The following AQR variants were observed in gnomAD, a reference collection of about 807,000 sequenced individuals.
The protein encoded by AQR is aquarius intron-binding spliceosomal factor, also known as RNA helicase aquarius.
Under a neutral mutation model 180.5 loss-of-function variants are expected in AQR, and 61 were observed. The ratio of observed to expected loss-of-function variants is 0.34; its 90% CI spans 0.28 to 0.42. AQR has a LOEUF of 0.42. Among genes scored for constraint, AQR ranks in the 10% least tolerant of loss-of-function variants. The pLI, the probability that AQR is intolerant of heterozygous loss-of-function variation, is 1.00. For synonymous variants in AQR, 551 were observed against 588.8 expected (o/e 0.94, Z 0.93); for missense variants, 1,281 against 1,798.3 (o/e 0.71, Z 5.20).
At chr15:34,923,160 T>C (rs1893707226) in intron 13 of AQR, among the ~76,000 whole-genome samples, 1 of 152,192 alleles carries the variant, frequency 6.6e-6, no homozygotes, top group Admixed American at 6.5e-5. Context: ...ATTATTATTG[T>C]TGTTAATCTC....
chr15:34,958,488 C>A (rs1894362622), intron 3 of AQR, among the ~76,000 whole-genome samples: 2 of 152,164 alleles, frequency 1.3e-5, no homozygotes. Flanking sequence ...TGCACTCAAA[C>A]CTGGGTGAAA....
At chr15:34,862,212 TA>T (rs1315702840) in intron 33 of AQR, among the ~76,000 whole-genome samples, 1 of 152,198 alleles carries the variant, frequency 6.6e-6, no homozygotes, top group African/African-American at 2.4e-5. Flanking sequence ...GTAAGCTTCT[TA>T]AGAACTCAAC....
chr15:34,885,200 T>C (rs1157711068), intron 25 of AQR, among the ~76,000 whole-genome samples: 1 of 152,246 alleles, frequency 6.6e-6, no homozygotes, highest in Non-Finnish European at 1.5e-5. Flanking sequence ...GTCAGTTTTT[T>C]AGAACATTTA....
At chr15:34,935,091 A>G (rs959051427) in intron 9 of AQR, among the ~76,000 whole-genome samples, 1 of 152,134 alleles carries the variant, frequency 6.6e-6, no homozygotes, top group Non-Finnish European at 1.5e-5. Context: ...ACACACCTTT[A>G]AAGTGCACTG....
In AQR at chr15:34,856,646, T is replaced by A. The variant is rs1892588938; in HGVS notation, c.*146A>T. The A allele has an allele frequency of 1.3e-5, 8 of 626,752 alleles. No individual in the cohort carries two copies. In the South Asian group the frequency reaches 3.5e-4, roughly 27 times the overall value. 38.8% of individuals were successfully genotyped at this position (626,752 alleles called of 1,614,324 possible). ...ATACACATAATTTAAAAAAATATAT[T>A]CAAGACACCGAAATCAGTTAACAAA... On this transcript the variant is annotated 3_prime_UTR_variant, in exon 35 of 35. Transcript: ENST00000156471.
At chr15:34,901,491 C>A (rs1353871579) in intron 19 of AQR, among the ~76,000 whole-genome samples, 1 of 152,080 alleles carries the variant, frequency 6.6e-6, no homozygotes, top group African/African-American at 2.4e-5. Context: ...TATATGCTGT[C>A]AAAAATAATT....
chr15:34,917,839 C>G (rs1260288325), intron 15 of AQR, among the ~76,000 whole-genome samples: 1 of 116,502 alleles, frequency 8.6e-6, no homozygotes, highest in Non-Finnish European at 1.9e-5. Context: ...AAAAAAAAAG[C>G]TGGGTGTGGT....
chr15:34,880,784 A>G (rs748674768), intron 27 of AQR, among the ~76,000 whole-genome samples: 1 of 152,190 alleles, frequency 6.6e-6, no homozygotes, highest in Non-Finnish European at 1.5e-5. Context: ...ATCAAAAGAC[A>G]ATGCCTAAAA....
At chr15:34,907,774 C>T (rs1893440752) in intron 17 of AQR, among the ~76,000 whole-genome samples, 1 of 152,186 alleles carries the variant, frequency 6.6e-6, no homozygotes, top group Non-Finnish European at 1.5e-5. Flanking sequence ...CTGATCTGCA[C>T]AGCTCATTAA....
At chr15:34,915,480 G>A (rs1328819180) in intron 15 of AQR, among the ~76,000 whole-genome samples, 2 of 150,920 alleles carry the variant, frequency 1.3e-5, no homozygotes, top group Admixed American at 1.3e-4. Flanking sequence ...GTGAGCCACC[G>A]CACCCGGCCT....
intron 4 of AQR, 57 bp from the exon 5 acceptor site, chr15:34,948,441 C>T: frequency 1.9e-6 from 3 of 1,544,310 alleles, no homozygotes; most frequent in Non-Finnish European, 2.6e-6. Context: ...CACTGTAATA[C>T]ATAACTCACC....
At chr15:34,946,385 G>C (rs1216206176) in intron 5 of AQR, among the ~76,000 whole-genome samples, 1 of 151,510 alleles carries the variant, frequency 6.6e-6, no homozygotes, top group African/African-American at 2.4e-5. Context: ...TGAGGTCGGG[G>C]GGGTCAGCCC....
intron 18 of AQR, 66 bp from the exon 19 acceptor site, chr15:34,904,571 G>A: frequency 7.0e-7 from 1 of 1,434,108 alleles, no homozygotes; most frequent in Non-Finnish European, 9.4e-7. Flanking sequence ...TAAGTTAACA[G>A]TATTTCTTTT....
intron 3 of AQR, among the ~76,000 whole-genome samples, chr15:34,960,239 GT>G (rs1374052553): frequency 6.6e-6 from 1 of 152,134 alleles, no homozygotes; most frequent in Non-Finnish European, 1.5e-5. Flanking sequence ...ACCCTTTTGT[GT>G]TTGAAAAAAC....
intron 9 of AQR, among the ~76,000 whole-genome samples, chr15:34,938,320 G>A (rs1893973955): frequency 6.6e-6 from 1 of 152,090 alleles, no homozygotes; most frequent in Admixed American, 6.6e-5. Flanking sequence ...GATCACTTGA[G>A]GTCAGGAGTT....
chr15:34,901,077 T>C (rs1171390759), intron 19 of AQR, among the ~76,000 whole-genome samples: 1 of 152,116 alleles, frequency 6.6e-6, no homozygotes, highest in Non-Finnish European at 1.5e-5. Context: ...AGACCAAACT[T>C]AGCAAGAACA....
rs925677042 is a variant in AQR at position 34,856,438 on chromosome 15, T to C, written c.*354A>G. On this transcript the variant is annotated 3_prime_UTR_variant, in exon 35 of 35. Coordinates refer to ENST00000156471, the MANE Select transcript of AQR (RefSeq NM_014691.3). ...CAATTTGGACACTCAAGGGTATTCG[T>C]GGTTAAGTCCAGTATATTCTGTCCT... is the stretch of plus-strand genomic sequence containing the variant. The C allele has an allele frequency of 2.5e-6, 1 of 398,310 alleles. No homozygotes were observed. Among genetic ancestry groups the C allele is most frequent in the Admixed American group, 4.4e-5 (1 of 22,838 alleles). The allele number at this position is 398,310 out of a possible 1,614,324, so 24.7% of individuals were successfully genotyped here.
At chr15:34,965,523 T>C (rs1330905555) in intron 1 of AQR, among the ~76,000 whole-genome samples, 1 of 151,986 alleles carries the variant, frequency 6.6e-6, no homozygotes, top group East Asian at 1.9e-4. Flanking sequence ...ACACAAAAAT[T>C]AGCCAGGCTT....
At chr15:34,891,271 C>A (rs536987326) in intron 23 of AQR, among the ~76,000 whole-genome samples, 28 of 152,230 alleles carry the variant, frequency 1.8e-4, no homozygotes, top group African/African-American at 6.5e-4. Flanking sequence ...TACTCACTAT[C>A]CAAACCTTCA....
Sources: allele counts gnomAD v4.1 joint callset (sites outside exome capture counted in the v4.1 genomes callset), GRCh38; gene constraint gnomAD v4.1.1; transcripts MANE v1.5; gene names NCBI Gene and HGNC (gene_info 2026-07-23, HGNC 2026-07-21).